Variants in ACCSL observed in about 807,000 individuals in gnomAD.
ACCSL encodes the protein 1-aminocyclopropane-1-carboxylate synthase homolog (inactive) like.
Under a neutral mutation model 61.7 loss-of-function variants are expected in ACCSL, and 55 were observed. The ratio of observed to expected loss-of-function variants is 0.89; its 90% CI spans 0.72 to 1.12. The LOEUF is 1.12. Among genes scored for constraint, ACCSL ranks in the 50% most tolerant of loss-of-function variants. ACCSL has a pLI of 0.00. For synonymous variants in ACCSL, 258 were observed against 264.3 expected (o/e 0.98, Z 0.23); for missense variants, 632 against 698.0 (o/e 0.91, Z 1.07).
the ACCSL span, among the ~76,000 whole-genome samples, chr11:43,978,565 C>T: frequency 1.3e-5 from 2 of 152,136 alleles, no homozygotes; most frequent in African/African-American, 4.8e-5. Context: ...GGCTTACCCA[C>T]TGTCAATGTC....
At chr11:44,009,854 G>T in the ACCSL span, among the ~76,000 whole-genome samples, 1 of 152,156 alleles carries the variant, frequency 6.6e-6, no homozygotes, top group African/African-American at 2.4e-5. Flanking sequence ...CATAGAAAAG[G>T]CTTCCTTGTT....
chr11:43,977,654 T>C, the ACCSL span, among the ~76,000 whole-genome samples: 2 of 152,244 alleles, frequency 1.3e-5, no homozygotes, highest in Non-Finnish European at 2.9e-5. Flanking sequence ...TTTTGAGCCA[T>C]TAAATTTGTG....
the ACCSL span, among the ~76,000 whole-genome samples, chr11:43,991,734 C>T: frequency 6.6e-6 from 1 of 152,154 alleles, no homozygotes; most frequent in African/African-American, 2.4e-5. Context: ...GCAAAGGCTG[C>T]AGTAAGCTGA....
the ACCSL span, among the ~76,000 whole-genome samples, chr11:43,934,880 G>C: frequency 6.6e-6 from 1 of 152,202 alleles, no homozygotes; most frequent in African/African-American, 2.4e-5. Flanking sequence ...CCTGCTAATG[G>C]CTGAAGAACT....
the ACCSL span, among the ~76,000 whole-genome samples, chr11:43,952,790 C>A: frequency 1.3e-5 from 2 of 152,184 alleles, no homozygotes; most frequent in Non-Finnish European, 2.9e-5. Context: ...TTGTTTGCGG[C>A]CTGTCCTGCT....
At position 44,052,665 on chromosome 11, in the gene ACCSL, C is replaced by A. The variant is rs1018416635; in HGVS notation, c.776C>A (p.Ala259Asp). ...CTCTGTCTCTCTGTGTTTCCAGAGGCCTTCCTGGTCCCTGCTCCCTTCTAT... is the reference window on the plus strand; with the variant it reads ...CTCTGTCTCTCTGTGTTTCCAGAGGACTTCCTGGTCCCTGCTCCCTTCTAT... Reference protein sequence around the residue: ...LAMVLCDPGEAFLVPAPFYGG... With the variant: ...LAMVLCDPGEDFLVPAPFYGG... The change falls in exon 6 of 14, where the codon GCC becomes GAC. Residue 259 changes from alanine (A) to aspartate (D), a missense_variant. Coordinates refer to ENST00000378832, the MANE Select transcript of ACCSL (RefSeq NM_001031854.2). 9 of 1,613,924 alleles carry A rather than the reference C, an allele frequency of 5.6e-6. No homozygotes were observed. The highest frequency in any genetic ancestry group is 1.1e-5 in the South Asian group (1 of 91,072).
At chr11:44,038,390 G>C in the ACCSL span, among the ~76,000 whole-genome samples, 1 of 152,168 alleles carries the variant, frequency 6.6e-6, no homozygotes, top group African/African-American at 2.4e-5. Flanking sequence ...ACATAGGCAT[G>C]GGTCCCTTTA....
At chr11:43,935,409 G>A in the ACCSL span, among the ~76,000 whole-genome samples, 7 of 152,198 alleles carry the variant, frequency 4.6e-5, no homozygotes, top group Non-Finnish European at 8.8e-5. Context: ...TGCAAGCAGT[G>A]AGCACCAATT....
chr11:44,023,975 G>T, the ACCSL span, among the ~76,000 whole-genome samples: 6 of 152,046 alleles, frequency 3.9e-5, no homozygotes, highest in Admixed American at 3.9e-4. Context: ...TGTTGTTATT[G>T]TGATGGTTAA....
chr11:43,970,794 T>C, the ACCSL span, among the ~76,000 whole-genome samples: 1 of 152,220 alleles, frequency 6.6e-6, no homozygotes, highest in African/African-American at 2.4e-5. Context: ...TCATGAGTTA[T>C]ATTGAGGCTT....
At chr11:43,933,782 T>G in the ACCSL span, among the ~76,000 whole-genome samples, 1 of 152,112 alleles carries the variant, frequency 6.6e-6, no homozygotes, top group African/African-American at 2.4e-5. Flanking sequence ...GAGGTCTCCC[T>G]GGGCTGTGGC....
chr11:43,925,851 G>A, the ACCSL span, among the ~76,000 whole-genome samples: 1 of 152,204 alleles, frequency 6.6e-6, no homozygotes, highest in Non-Finnish European at 1.5e-5. Flanking sequence ...CCCTCTTGGC[G>A]GTCCTGTGAG....
At chr11:43,938,459 T>A in the ACCSL span, among the ~76,000 whole-genome samples, 18 of 151,560 alleles carry the variant, frequency 1.2e-4, no homozygotes, top group African/African-American at 4.3e-4. Flanking sequence ...AGTTCCTTTC[T>A]TGACAGAGTT....
the ACCSL span, among the ~76,000 whole-genome samples, chr11:44,035,782 A>G: frequency 6.6e-6 from 1 of 151,932 alleles, no homozygotes; most frequent in Non-Finnish European, 1.5e-5. Flanking sequence ...TACTAAAAAT[A>G]CAAAAATTAG....
the ACCSL span, among the ~76,000 whole-genome samples, chr11:43,999,207 A>G: frequency 2.6e-5 from 4 of 152,182 alleles, no homozygotes; most frequent in Non-Finnish European, 5.9e-5. Flanking sequence ...GAACCCTTAC[A>G]GTGTGCCAAG....
At chr11:44,051,036 T>C (rs1590429519) in intron 3 of ACCSL, among the ~76,000 whole-genome samples, 1 of 151,888 alleles carries the variant, frequency 6.6e-6, no homozygotes, top group Non-Finnish European at 1.5e-5. Flanking sequence ...AGAGACGGGG[T>C]TTCACCATGT....
chr11:43,997,589 G>A, the ACCSL span, among the ~76,000 whole-genome samples: 323 of 152,274 alleles, frequency 2.1e-3, no homozygotes, highest in Non-Finnish European at 3.2e-3. Flanking sequence ...TTTCAGGGAG[G>A]TTTGAGGAGG....
chr11:43,978,699 C>G, the ACCSL span, among the ~76,000 whole-genome samples: 1 of 150,370 alleles, frequency 6.7e-6, no homozygotes, highest in Non-Finnish European at 1.5e-5. Context: ...AGACAAGGCT[C>G]ACTGGGATTG....
the ACCSL span, among the ~76,000 whole-genome samples, chr11:44,000,054 C>T: frequency 1.4e-4 from 21 of 152,216 alleles, 1 homozygote; most frequent in South Asian, 2.9e-3. Context: ...CAAGCGGGGG[C>T]GGATCACTTG....
Sources: gnomAD v4.1 joint callset for allele counts (sites outside exome capture counted in the v4.1 genomes callset) on GRCh38, gnomAD v4.1.1 for gene constraint, MANE v1.5 for transcripts, NCBI Gene and HGNC (gene_info 2026-07-23, HGNC 2026-07-21) for gene names.